Variants in DYSF observed in about 807,000 individuals in gnomAD.
DYSF encodes dysferlin, also known as dystrophy-associated fer-1-like 1.
In DYSF, 212 loss-of-function variants were observed where a neutral mutation model predicts 274.9. That is an observed-to-expected ratio of 0.77 (90% CI 0.69 to 0.86). DYSF has a LOEUF of 0.86. Ranked by LOEUF, DYSF falls within the 40% of genes least tolerant of loss-of-function variation. DYSF has a pLI of 0.00. For missense variants in DYSF, 2,666 were observed against 2,783.2 expected (o/e 0.96, Z 0.95); for synonymous variants, 1,091 against 1,078.7 (o/e 1.01, Z -0.22).
intron 3 of DYSF, 76 bp downstream of exon 3, chr2:71,482,046 C>T: frequency 1.7e-6 from 2 of 1,211,542 alleles, no homozygotes; most frequent in South Asian, 2.5e-5. Context: ...CTGCAGAATC[C>T]CAGGCCCCAG....
intron 33 of DYSF, 38 bp from the exon 34 acceptor site, chr2:71,600,664 A>C (rs954592758): frequency 1.2e-6 from 2 of 1,613,644 alleles, no homozygotes; most frequent in Admixed American, 3.3e-5. Context: ...AGCCCTGGGT[A>C]AGGGATGCTG....
chr2:71,517,650 G>C (rs1423299353), intron 10 of DYSF, among the ~76,000 whole-genome samples: 1 of 152,072 alleles, frequency 6.6e-6, no homozygotes, highest in East Asian at 1.9e-4. Flanking sequence ...TTGGAGCAAG[G>C]TGCGCACGGG....
chr2:71,662,318 G>C (rs2094895943), intron 45 of DYSF, among the ~76,000 whole-genome samples: 1 of 152,126 alleles, frequency 6.6e-6, no homozygotes, highest in South Asian at 2.1e-4. Flanking sequence ...TTTAACTCAC[G>C]AACCCAGTCT....
At chr2:71,516,104 G>A (rs893232964) in intron 8 of DYSF, 76 bp from the exon 9 acceptor site, 1 of 1,417,624 alleles carries the variant, frequency 7.1e-7, no homozygotes, top group African/African-American at 1.4e-5. Context: ...GGAGGCTTGG[G>A]GGTGGTGGTC....
At chr2:71,526,381 AG>A in intron 13 of DYSF, 35 bp downstream of exon 13, 1 of 1,231,222 alleles carries the variant, frequency 8.1e-7, no homozygotes, top group Non-Finnish European at 1.1e-6. Flanking sequence ...GGAGGTCTGC[AG>A]GAGGCTGGAG....
At chr2:71,490,765 C>G (rs553092015) in intron 3 of DYSF, among the ~76,000 whole-genome samples, 1 of 152,346 alleles carries the variant, frequency 6.6e-6, no homozygotes, top group East Asian at 1.9e-4. Context: ...TCATCATTGA[C>G]TCTTTCCCAG....
At chr2:71,516,129 C>T in intron 8 of DYSF, 51 bp from the exon 9 acceptor site, 1 of 1,574,246 alleles carries the variant, frequency 6.4e-7, no homozygotes, top group South Asian at 1.1e-5. Context: ...CTCTCCCTGG[C>T]CTGAGGGATC....
At chr2:71,685,248 G>T (rs2095342923) in intron 55 of DYSF, among the ~76,000 whole-genome samples, 1 of 152,208 alleles carries the variant, frequency 6.6e-6, no homozygotes, top group Non-Finnish European at 1.5e-5. Context: ...CCCCCCAGCA[G>T]CGGGCCACTC....
intron 29 of DYSF, among the ~76,000 whole-genome samples, chr2:71,572,847 A>G (rs538596123): frequency 1.3e-5 from 2 of 152,198 alleles, no homozygotes; most frequent in Admixed American, 1.3e-4. Flanking sequence ...ACACGTGTAC[A>G]TTGGCTGGTG....
At chr2:71,501,112 T>C (rs530168038) in intron 3 of DYSF, among the ~76,000 whole-genome samples, 1 of 152,210 alleles carries the variant, frequency 6.6e-6, no homozygotes, top group Non-Finnish European at 1.5e-5. Context: ...ATGGTAAAAA[T>C]CCTGCTCCAT....
At chr2:71,672,163 G>A (rs1433059174) in intron 51 of DYSF, among the ~76,000 whole-genome samples, 12 of 151,830 alleles carry the variant, frequency 7.9e-5, no homozygotes, top group Non-Finnish European at 8.8e-5. Context: ...ACCAGAGGTG[G>A]GAGACAGAAA....
At chr2:71,528,462 T>TGTGCCGG in intron 14 of DYSF, 61 bp downstream of exon 14, 3 of 1,415,150 alleles carry the variant, frequency 2.1e-6, no homozygotes, top group Non-Finnish European at 3.0e-6. Flanking sequence ...CCCTGTGGAC[T>TGTGCCGG]GTGCCGGGTG....
chr2:71,601,214 A>G (rs1453175830), intron 34 of DYSF: 2 of 596,120 alleles, frequency 3.4e-6, no homozygotes, highest in African/African-American at 1.9e-5. Context: ...TGGGCCAGCC[A>G]CTCCCCTGCT....
intron 41 of DYSF, among the ~76,000 whole-genome samples, chr2:71,637,990 G>A (rs527350673): frequency 6.6e-6 from 1 of 152,164 alleles, no homozygotes; most frequent in East Asian, 1.9e-4. Context: ...TGAGTCTGCT[G>A]GGGAACAGCA....
At chr2:71,505,157 G>A (rs1047826284) in intron 4 of DYSF, among the ~76,000 whole-genome samples, 1 of 152,216 alleles carries the variant, frequency 6.6e-6, no homozygotes, top group African/African-American at 2.4e-5. Context: ...CTAGATTCTA[G>A]TCCATGTGAT....
At chr2:71,502,850 G>A (rs1219087359) in intron 3 of DYSF, among the ~76,000 whole-genome samples, 7 of 152,214 alleles carry the variant, frequency 4.6e-5, no homozygotes, top group Admixed American at 4.6e-4. Context: ...CAGGGGCAGT[G>A]TGGGGGTGAT....
At chr2:71,530,632 C>A (rs949325076) in intron 14 of DYSF, among the ~76,000 whole-genome samples, 3 of 152,142 alleles carry the variant, frequency 2.0e-5, no homozygotes, top group Non-Finnish European at 4.4e-5. Flanking sequence ...TGAAGAATGA[C>A]CTTATGGTGA....
chr2:71,576,551 G>C (rs2092704919), intron 30 of DYSF: 1 of 154,512 alleles, frequency 6.5e-6, no homozygotes, highest in African/African-American at 2.4e-5. Flanking sequence ...TGGTTGCCAG[G>C]CCGCAGGGCG....
intron 1 of DYSF, among the ~76,000 whole-genome samples, chr2:71,454,906 C>G (rs577608042): frequency 6.6e-6 from 1 of 152,276 alleles, no homozygotes; most frequent in South Asian, 2.1e-4. Flanking sequence ...ATCTACACAG[C>G]TGGGTCTTTG....
Sources: gnomAD v4.1 joint callset for allele counts (sites outside exome capture counted in the v4.1 genomes callset) on GRCh38, gnomAD v4.1.1 for gene constraint, MANE v1.5 for transcripts, NCBI Gene and HGNC (gene_info 2026-07-23, HGNC 2026-07-21) for gene names.